SORCS1: variants seen among roughly 807,000 people sequenced by gnomAD.
SORCS1 encodes sortilin related VPS10 domain containing receptor 1.
SORCS1 carries 60 observed loss-of-function variants against 146.1 expected under a neutral mutation model. The observed-to-expected ratio is 0.41, with a 90% CI of 0.33 to 0.51. The LOEUF (loss-of-function observed/expected upper bound fraction) is 0.51. Ranked by LOEUF, SORCS1 falls within the 20% of genes least tolerant of loss-of-function variation. The pLI, the probability that SORCS1 is intolerant of heterozygous loss-of-function variation, is 0.21. For missense variants in SORCS1, 1,352 were observed against 1,487.6 expected (o/e 0.91, Z 1.50); for synonymous variants, 637 against 584.0 (o/e 1.09, Z -1.31).
chr10:106,661,375 G>A (rs1003584056), intron 17 of SORCS1, among the ~76,000 whole-genome samples: 9 of 152,144 alleles, frequency 5.9e-5, no homozygotes, highest in Non-Finnish European at 5.9e-5. Flanking sequence ...TTCTAATTAT[G>A]TAACTTTATG....
chr10:106,819,863 T>G (rs1947926798), intron 3 of SORCS1, among the ~76,000 whole-genome samples: 1 of 152,190 alleles, frequency 6.6e-6, no homozygotes, highest in African/African-American at 2.4e-5. Flanking sequence ...TCTCCAGAGA[T>G]TCCTAAACTT....
intron 13 of SORCS1, among the ~76,000 whole-genome samples, 181 bp from the exon 14 acceptor site, chr10:106,675,337 C>T (rs775728593): frequency 6.6e-6 from 1 of 151,990 alleles, no homozygotes. Flanking sequence ...TACAGTTAGC[C>T]AAGCCACCGG....
chr10:106,712,731 A>G (rs560997684), intron 6 of SORCS1, among the ~76,000 whole-genome samples: 2 of 152,350 alleles, frequency 1.3e-5, no homozygotes, highest in African/African-American at 4.8e-5. Context: ...ATGATGAGAA[A>G]TTTTGGGAAC....
chr10:106,638,466 T>G (rs1474205887), intron 18 of SORCS1, among the ~76,000 whole-genome samples: 2 of 152,058 alleles, frequency 1.3e-5, no homozygotes, highest in Non-Finnish European at 2.9e-5. Context: ...AAAATTAAAA[T>G]CACCCATAAT....
intron 9 of SORCS1, among the ~76,000 whole-genome samples, chr10:106,692,451 A>G (rs1853368608): frequency 6.6e-6 from 1 of 152,080 alleles, no homozygotes; most frequent in Non-Finnish European, 1.5e-5. Context: ...ACGACTGGGG[A>G]GAAGATGCGA....
intron 1 of SORCS1, among the ~76,000 whole-genome samples, chr10:106,986,971 CT>C (rs1956505133): frequency 1.3e-5 from 2 of 152,142 alleles, no homozygotes; most frequent in African/African-American, 4.8e-5. Context: ...CTCTTGGCTA[CT>C]TTTTTCCTTG....
chr10:106,784,027 T>G (rs1236222555), intron 3 of SORCS1, among the ~76,000 whole-genome samples: 1 of 152,202 alleles, frequency 6.6e-6, no homozygotes, highest in Non-Finnish European at 1.5e-5. Context: ...ATTGCTATTA[T>G]TAATATCATA....
chr10:106,796,741 T>C (rs115337772), intron 3 of SORCS1, among the ~76,000 whole-genome samples: 2 of 152,202 alleles, frequency 1.3e-5, no homozygotes, highest in Non-Finnish European at 2.9e-5. Flanking sequence ...CCCTGGATCC[T>C]AACCAAATTT....
At chr10:106,688,140 C>A in intron 10 of SORCS1, 52 bp downstream of exon 10, 1 of 1,578,328 alleles carries the variant, frequency 6.3e-7, no homozygotes, top group South Asian at 1.2e-5. Context: ...GTTAAATATC[C>A]ATTTCCATCC....
At chr10:106,910,314 T>A (rs554835612) in intron 2 of SORCS1, among the ~76,000 whole-genome samples, 12 of 126,776 alleles carry the variant, frequency 9.5e-5, no homozygotes, top group African/African-American at 2.1e-4. Context: ...TGTGTGTGTG[T>A]GAGACAGTAT....
At chr10:106,844,428 G>A (rs918563041) in intron 2 of SORCS1, among the ~76,000 whole-genome samples, 1 of 151,846 alleles carries the variant, frequency 6.6e-6, no homozygotes, top group African/African-American at 2.4e-5. Context: ...TCTTCTAGGA[G>A]TTTCATGGTT....
chr10:106,935,373 T>C (rs550496777), intron 2 of SORCS1, among the ~76,000 whole-genome samples: 3 of 152,342 alleles, frequency 2.0e-5, no homozygotes, highest in Non-Finnish European at 4.4e-5. Flanking sequence ...AATATTCTAA[T>C]ATTTACCATT....
rs191650044 is a variant in SORCS1, at chr10:106,635,189, T to C, written c.2476-5801A>G. 5.9e-5 allele frequency among the ~76,000 whole-genome samples: 9 copies of C among 152,282 alleles called. No homozygotes were observed. The East Asian group carries it at 1.2e-3, about 20-fold the overall frequency. ...GAGAACACTGGGACAATAAATGCTA[T>C]GGAAACTCCTCACGGACAGCCTCAG... On this transcript the variant is annotated intron_variant, in intron 18 of 25. Coordinates refer to ENST00000263054, the MANE Select transcript of SORCS1 (RefSeq NM_052918.5).
chr10:106,714,922 G>A (rs973351083), intron 6 of SORCS1, among the ~76,000 whole-genome samples: 3 of 152,086 alleles, frequency 2.0e-5, no homozygotes, highest in Non-Finnish European at 4.4e-5. Flanking sequence ...TTTAAAATAG[G>A]GACACAAGAA....
At chr10:106,943,989 T>C (rs950552205) in intron 2 of SORCS1, among the ~76,000 whole-genome samples, 3 of 152,160 alleles carry the variant, frequency 2.0e-5, no homozygotes, top group African/African-American at 7.2e-5. Flanking sequence ...ACCCAACAAC[T>C]GGTCCTGTGC....
At chr10:106,630,581 C>T (rs1324186426) in intron 18 of SORCS1, among the ~76,000 whole-genome samples, 1 of 152,176 alleles carries the variant, frequency 6.6e-6, no homozygotes, top group African/African-American at 2.4e-5. Flanking sequence ...TCATGCAAGT[C>T]ATTCAGTCTC....
intron 23 of SORCS1, among the ~76,000 whole-genome samples, chr10:106,598,038 G>A (rs1037791567): frequency 3.9e-5 from 6 of 151,974 alleles, no homozygotes; most frequent in Non-Finnish European, 7.4e-5. Context: ...GCAGACCCAT[G>A]GAATTCTGGA....
chr10:106,893,025 G>A (rs1951297976), intron 2 of SORCS1, among the ~76,000 whole-genome samples: 1 of 151,380 alleles, frequency 6.6e-6, no homozygotes, highest in Non-Finnish European at 1.5e-5. Flanking sequence ...CTCCCGAGTA[G>A]CTGGGGTTAC....
chr10:107,174,707 A>G, the SORCS1 span, among the ~76,000 whole-genome samples: 1 of 152,022 alleles, frequency 6.6e-6, no homozygotes, highest in Non-Finnish European at 1.5e-5. Flanking sequence ...ATTTTTATGT[A>G]CTTAAGGATA....
Sources: gnomAD v4.1 joint callset for allele counts (sites outside exome capture counted in the v4.1 genomes callset) on GRCh38, gnomAD v4.1.1 for gene constraint, MANE v1.5 for transcripts, NCBI Gene and HGNC (gene_info 2026-07-23, HGNC 2026-07-21) for gene names.